Variants in SLC25A42 observed in about 807,000 individuals in gnomAD.
SLC25A42 encodes mitochondrial coenzyme A transporter SLC25A42.
SLC25A42 carries 19 observed loss-of-function variants against 34.7 expected under a neutral mutation model. That is an observed-to-expected ratio of 0.55 (90% confidence interval 0.38 to 0.80). The LOEUF is 0.80. Among genes scored for constraint, SLC25A42 ranks in the 30% least tolerant of loss-of-function variants. The pLI, the probability that SLC25A42 is intolerant of heterozygous loss-of-function variation, is 0.00. For missense variants in SLC25A42, 364 were observed against 441.3 expected, an observed-to-expected ratio of 0.82 and a Z score of 1.57; for synonymous variants, 205 against 191.2, an observed-to-expected ratio of 1.07 and a Z score of -0.59.
intron 1 of SLC25A42, among the ~76,000 whole-genome samples, chr19:19,067,589 A>T (rs2059609146): frequency 6.6e-6 from 1 of 152,046 alleles, no homozygotes; most frequent in African/African-American, 2.4e-5. Context: ...TTTTTCTGTT[A>T]AAAAAAATTT....
chr19:19,064,412 C>G (rs921908676), intron 1 of SLC25A42, among the ~76,000 whole-genome samples: 2 of 148,470 alleles, frequency 1.3e-5, no homozygotes, highest in African/African-American at 5.0e-5. Context: ...TCTGACATCC[C>G]CCTCACACAC....
intron 1 of SLC25A42, among the ~76,000 whole-genome samples, chr19:19,077,556 A>G (rs1433099588): frequency 6.6e-6 from 1 of 152,174 alleles, no homozygotes; most frequent in African/African-American, 2.4e-5. Flanking sequence ...TGTATAAAAC[A>G]TTTTGTTTAC....
rs532007020 is a variant in SLC25A42, at chr19:19,070,546, C to T, written c.-35+6431C>T. Among the ~76,000 whole-genome samples the T allele has an allele frequency of 4.6e-5, 7 of 152,186 alleles. No homozygotes were observed. In the South Asian group the frequency reaches 8.3e-4, roughly 18 times the overall value. On this transcript the variant is annotated intron_variant, in intron 1 of 7. Coordinates refer to ENST00000318596, the MANE Select transcript of SLC25A42 (RefSeq NM_178526.5). Reference sequence around the variant, plus strand: ...CTGACCTCAAGTGATCTGCCCAACTCGGCCTCCCAAAGTGCTGGGATTACA... The same window carrying T: ...CTGACCTCAAGTGATCTGCCCAACTTGGCCTCCCAAAGTGCTGGGATTACA...
At position 19,081,293 on chromosome 19, in the gene SLC25A42, C is replaced by T. The variant is rs2059680768; in HGVS notation, c.-34-14798C>T. 6.6e-6 allele frequency among the ~76,000 whole-genome samples: 1 copy of T among 152,128 alleles called. No individual in the cohort carries two copies. The highest frequency in any genetic ancestry group is 2.4e-5 in the African/African-American group (1 of 41,420). On this transcript the variant is annotated intron_variant, in intron 1 of 7. Coordinates refer to ENST00000318596, the MANE Select transcript of SLC25A42 (RefSeq NM_178526.5). This position sits in a 1 kb window ranked among gnomAD's most constrained non-coding sequence, Gnocchi z 4.5. ...CCAGCACTGGACCCATAAGGAACCA[C>T]AGGGACCACCACTATGACCAGCCTG...
intron 1 of SLC25A42, among the ~76,000 whole-genome samples, chr19:19,073,285 C>T (rs2059639672): frequency 6.6e-6 from 1 of 152,154 alleles, no homozygotes; most frequent in African/African-American, 2.4e-5. Flanking sequence ...GGGACCCCTG[C>T]CTTCCAGGGA....
Position 19,070,991 on chromosome 19 carries a change from C to CTTTTTTTTTTTTTT in SLC25A42, c.-35+6882_-35+6895dup, listed in dbSNP as rs35787720. Among the ~76,000 whole-genome samples, 900 of 117,108 alleles carry CTTTTTTTTTTTTTT rather than the reference C, an allele frequency of 7.7e-3. 19 individuals are homozygous for CTTTTTTTTTTTTTT. Among genetic ancestry groups the CTTTTTTTTTTTTTT allele is most frequent in the African/African-American group, 0.03 (854 of 28,770 alleles). The allele number at this position is 117,108 out of a possible 152,430, so 76.8% of individuals were successfully genotyped here. A position where few individuals can be genotyped will look rare whatever the true frequency, so the allele number is the denominator to read the frequency against. The stretch of plus-strand genomic sequence containing the variant: ...GACCTGACTAGTGAATGCATACCGT[C>CTTTTTTTTTTTTTT]TTTTTTTTTTTTTTTTTTTAATACA... On this transcript the variant is annotated intron_variant, in intron 1 of 7. Transcript: ENST00000318596.
chr19:19,095,133 G>A (rs553329392), intron 1 of SLC25A42, among the ~76,000 whole-genome samples: 1 of 152,222 alleles, frequency 6.6e-6, no homozygotes, highest in Admixed American at 6.5e-5. Flanking sequence ...CCTGGAAGGC[G>A]GAGGCTGCAG....
intron 2 of SLC25A42, among the ~76,000 whole-genome samples, chr19:19,096,571 G>A (rs531217577): frequency 7.2e-5 from 11 of 152,190 alleles, no homozygotes; most frequent in Admixed American, 2.0e-4. Flanking sequence ...CAGTTCCAGC[G>A]TGGGGTGGGA....
intron 1 of SLC25A42, among the ~76,000 whole-genome samples, chr19:19,069,928 C>T (rs1483019639): frequency 6.6e-5 from 10 of 151,890 alleles, no homozygotes; most frequent in Non-Finnish European, 1.5e-4. Context: ...CAGGTTCAAG[C>T]GATTCTCCTG....
chr19:19,080,433 C>T (rs1304105050), intron 1 of SLC25A42, among the ~76,000 whole-genome samples: 2 of 152,230 alleles, frequency 1.3e-5, no homozygotes, highest in Non-Finnish European at 2.9e-5. Context: ...AGAAGTACAG[C>T]GTCCTCTTCC....
At chr19:19,076,102 T>G (rs2059654717) in intron 1 of SLC25A42, among the ~76,000 whole-genome samples, 1 of 152,320 alleles carries the variant, frequency 6.6e-6, no homozygotes, top group East Asian at 1.9e-4. Context: ...GGATGGCCAC[T>G]GTGCGTGTGG....
At chr19:19,097,208 G>A (rs1219620924) in intron 2 of SLC25A42, among the ~76,000 whole-genome samples, 1 of 152,166 alleles carries the variant, frequency 6.6e-6, no homozygotes, top group Non-Finnish European at 1.5e-5. Context: ...CGACCGCACA[G>A]GCAGTTTTCA....
At chr19:19,097,570 C>T (rs1357324272) in intron 2 of SLC25A42, among the ~76,000 whole-genome samples, 2 of 152,242 alleles carry the variant, frequency 1.3e-5, no homozygotes, top group Non-Finnish European at 2.9e-5. Flanking sequence ...TGCCCATTCT[C>T]CTCTGTACTG....
chr19:19,065,925 C>T (rs575291285), intron 1 of SLC25A42, among the ~76,000 whole-genome samples: 2 of 151,740 alleles, frequency 1.3e-5, no homozygotes, highest in Non-Finnish European at 1.5e-5. Context: ...GGTGTGATCT[C>T]GGCTCACGGC....
At chr19:19,103,007 C>A (rs931646114) in intron 3 of SLC25A42, among the ~76,000 whole-genome samples, 1 of 152,182 alleles carries the variant, frequency 6.6e-6, no homozygotes, top group Non-Finnish European at 1.5e-5. Context: ...CTTGTGGCCG[C>A]ATGGCTCCAA....
At chr19:19,089,465 T>C (rs564787331) in intron 1 of SLC25A42, among the ~76,000 whole-genome samples, 1 of 150,610 alleles carries the variant, frequency 6.6e-6, no homozygotes, top group African/African-American at 2.4e-5. Context: ...GAGGTGGAGG[T>C]TGCAGTGAGC....
Position 19,078,857 on chromosome 19 carries a change from C to CT in SLC25A42, c.-35+14753dup, listed in dbSNP as rs199627079. Among the ~76,000 whole-genome samples, 356 of 145,252 alleles carry CT rather than the reference C, an allele frequency of 2.5e-3. 8 individuals are homozygous for CT. In the East Asian group the frequency reaches 0.043, roughly 17 times the overall value. Reference sequence around the variant, plus strand: ...ATAACTTGAAAGTTACCATTGTGAGCTTTTTTTTTTTGAGATGTAGTCTTG... The same window carrying CT: ...ATAACTTGAAAGTTACCATTGTGAGCTTTTTTTTTTTTGAGATGTAGTCTTG... On this transcript the variant is annotated intron_variant, in intron 1 of 7. Transcript: ENST00000318596.
chr19:19,101,034 G>A (rs763467976), intron 2 of SLC25A42, among the ~76,000 whole-genome samples: 14 of 152,272 alleles, frequency 9.2e-5, no homozygotes, highest in Admixed American at 6.5e-4. Flanking sequence ...TCCCGTGGCC[G>A]AGTCAGCAGG....
rs550529947 is a variant in SLC25A42 at position 19,100,617 on chromosome 19, A to G, written c.82-1164A>G. 1.7e-4 allele frequency among the ~76,000 whole-genome samples: 26 copies of G among 152,162 alleles called. No individual in the cohort carries two copies. In the South Asian group the frequency reaches 5.4e-3, roughly 32 times the overall value. ...ATCCTTCAAGCTCAGCCTCTCACCT[A>G]CCAACCCAGAGTTCTTACAGAACCC... On this transcript the variant is annotated intron_variant, in intron 2 of 7. Transcript: ENST00000318596.
Sources: allele counts gnomAD v4.1 joint callset (sites outside exome capture counted in the v4.1 genomes callset), GRCh38; gene constraint gnomAD v4.1.1; non-coding constraint Gnocchi (gnomAD v3.1); transcripts MANE v1.5; gene names NCBI Gene and HGNC (gene_info 2026-07-23, HGNC 2026-07-21).